HM13: variants seen among roughly 807,000 people sequenced by gnomAD.
HM13 encodes the protein signal peptide peptidase.
In HM13, 18 loss-of-function variants were observed where a neutral mutation model predicts 50.0. That is an observed-to-expected ratio of 0.36 (90% CI 0.25 to 0.53). HM13 has a LOEUF of 0.53. HM13 is among the 20% of genes least tolerant of loss of function. HM13 has a pLI of 0.90. For missense variants in HM13, 393 were observed against 552.4 expected (o/e 0.71, Z 2.89); for synonymous variants, 197 against 232.6 (o/e 0.85, Z 1.39).
intron 4 of HM13, chr20:31,548,191 A>G (rs1401770685): frequency 1.5e-6 from 1 of 682,692 alleles, no homozygotes; most frequent in African/African-American, 1.8e-5. Context: ...TAGAAAACAA[A>G]TCAGGGTGCT....
intron 1 of HM13, among the ~76,000 whole-genome samples, chr20:31,522,024 C>T (rs1447166619): frequency 2.6e-5 from 4 of 151,816 alleles, no homozygotes; most frequent in African/African-American, 7.3e-5. Flanking sequence ...TATAAGTCAC[C>T]CGCAAAGGAG....
intron 1 of HM13, among the ~76,000 whole-genome samples, chr20:31,517,875 G>A (rs755682033): frequency 4.6e-5 from 7 of 151,976 alleles, no homozygotes; most frequent in Non-Finnish European, 1.0e-4. Context: ...AAAGCCTCCT[G>A]GGCACTATTC....
At chr20:31,518,263 G>C (rs1390204766) in intron 1 of HM13, among the ~76,000 whole-genome samples, 4 of 151,176 alleles carry the variant, frequency 2.6e-5, no homozygotes, top group Non-Finnish European at 5.9e-5. Flanking sequence ...TCAAACTCCC[G>C]ACCTCAGGTG....
intron 9 of HM13, among the ~76,000 whole-genome samples, chr20:31,560,889 C>T (rs143366371): frequency 2.0e-5 from 3 of 152,338 alleles, no homozygotes; most frequent in Non-Finnish European, 4.4e-5. Context: ...TCATTCATTC[C>T]ACAAATGTTA....
rs752549441 is a variant in HM13 at position 31,569,214 on chromosome 20, A to C, written c.1276A>C (p.Lys426Gln). ...ATCGAAGGGGCTGGAGAAGAAAGAGAAATGATGCAGCTGGTGCCCGAGCCT... is the reference window on the plus strand; with the variant it reads ...ATCGAAGGGGCTGGAGAAGAAAGAGCAATGATGCAGCTGGTGCCCGAGCCT... ...SASKGLEKKE[K>Q] Residue 426 changes from lysine to glutamine, a missense_variant, in exon 13 of 13, where the codon AAA becomes CAA. By Grantham distance (53) the Lys-to-Gln change is moderately conservative. Coordinates refer to ENST00000398174, the MANE Select transcript of HM13 (RefSeq NM_178581.3). The C allele has an allele frequency of 2.5e-6, 4 of 1,585,450 alleles. No individual in the cohort carries two copies. Among genetic ancestry groups the C allele is most frequent in the Non-Finnish European group, 3.4e-6 (4 of 1,163,944 alleles).
intron 1 of HM13, among the ~76,000 whole-genome samples, chr20:31,515,682 C>T (rs1981730437): frequency 6.6e-6 from 1 of 152,172 alleles, no homozygotes; most frequent in African/African-American, 2.4e-5. Context: ...TATTGGATAA[C>T]TAGGAGGACT....
intron 1 of HM13, among the ~76,000 whole-genome samples, chr20:31,521,728 C>CA (rs58104065): frequency 0.019 from 1,680 of 88,954 alleles, 85 homozygotes; most frequent in African/African-American, 0.049. Flanking sequence ...GACTCCATCT[C>CA]AAAAAAAAAA....
chr20:31,520,365 G>A (rs561267101), intron 1 of HM13, among the ~76,000 whole-genome samples: 1 of 152,190 alleles, frequency 6.6e-6, no homozygotes, highest in South Asian at 2.1e-4. Context: ...GTGCAGTGGT[G>A]TGATCTTGGC....
At chr20:31,545,245 T>G (rs1486418899) in intron 4 of HM13, among the ~76,000 whole-genome samples, 1 of 152,188 alleles carries the variant, frequency 6.6e-6, no homozygotes, top group Non-Finnish European at 1.5e-5. Flanking sequence ...GGTGTTTTTG[T>G]TTTTGTTTTT....
At chr20:31,543,232 G>T (rs1487082605) in intron 3 of HM13, among the ~76,000 whole-genome samples, 1 of 152,204 alleles carries the variant, frequency 6.6e-6, no homozygotes, top group African/African-American at 2.4e-5. Flanking sequence ...CAGCCCTACA[G>T]GCTAGGAGGG....
Position 31,548,987 on chromosome 20 carries a change from G to C in HM13, c.455-42G>C, listed in dbSNP as rs1317105913. ...CAGGGGCTGACAGGTGGGAGGGGTA[G>C]CCCTGCCTCAGGGAGTGGACTTACC... On this transcript the variant is annotated intron_variant, in intron 4 of 12. Transcript: ENST00000398174. 1.8e-5 allele frequency: 28 copies of C among 1,552,508 alleles called. No individual in the cohort carries two copies. In the Middle Eastern group the frequency reaches 5.0e-4, roughly 28 times the overall value.
At chr20:31,525,244 C>T (rs1982416902) in intron 1 of HM13, among the ~76,000 whole-genome samples, 1 of 152,248 alleles carries the variant, frequency 6.6e-6, no homozygotes, top group South Asian at 2.1e-4. Context: ...ACCTCCCTCT[C>T]CTAGTAGTCA....
intron 6 of HM13, 26 bp downstream of exon 6, chr20:31,549,358 T>C: frequency 6.2e-7 from 1 of 1,613,848 alleles, no homozygotes; most frequent in Non-Finnish European, 8.5e-7. Context: ...ATGCCAAGGA[T>C]GTCTGGCTCC....
chr20:31,523,367 A>C (rs1401453156), intron 1 of HM13, among the ~76,000 whole-genome samples: 1 of 150,148 alleles, frequency 6.7e-6, no homozygotes, highest in Non-Finnish European at 1.5e-5. Flanking sequence ...GGTTCAAGCT[A>C]TTCTCCTCCC....
chr20:31,566,234 G>A lies in HM13; in HGVS notation c.973G>A (p.Ala325Thr), dbSNP rs755325319. ...AQPALLYLVP[A>T]CIGFPVLVAL... is the part of the protein sequence containing the mutation. ...GCCTGCCCTCCTATACCTGGTCCCC[G>A]CCTGCATCGGTTTTCCTGTCCTGGT... The change falls in exon 11 of 13, where the codon GCC becomes ACC. Residue 325 changes from alanine (A) to threonine (T), a missense_variant. Transcript: ENST00000398174. The A allele has an allele frequency of 1.9e-5, 30 of 1,613,670 alleles. No individual in the cohort carries two copies. The highest frequency in any genetic ancestry group is 4.0e-5 in the African/African-American group (3 of 74,866).
intron 10 of HM13, among the ~76,000 whole-genome samples, chr20:31,562,914 G>A (rs1481574249): frequency 2.6e-4 from 39 of 152,160 alleles, no homozygotes; most frequent in Admixed American, 2.2e-3. Flanking sequence ...ACCTGGTTTG[G>A]AGGACTAGTT....
intron 3 of HM13, chr20:31,539,102 C>T (rs556764979): frequency 7.2e-4 from 709 of 985,332 alleles, no homozygotes; most frequent in Non-Finnish European, 8.2e-4. Context: ...GCCACATGCT[C>T]GTGTCCTTTC....
intron 8 of HM13, among the ~76,000 whole-genome samples, chr20:31,557,785 G>T (rs1317942007): frequency 3.8e-5 from 5 of 130,086 alleles, no homozygotes; most frequent in Non-Finnish European, 7.6e-5. Context: ...TAAGCTCACT[G>T]CAACCTCCAC....
At chr20:31,524,807 G>A (rs1690879389) in intron 1 of HM13, among the ~76,000 whole-genome samples, 3 of 147,732 alleles carry the variant, frequency 2.0e-5, no homozygotes, top group Non-Finnish European at 4.5e-5. Context: ...TCCGCCTCCC[G>A]GGTTCATGCC....
Sources: gnomAD v4.1 joint callset for allele counts (sites outside exome capture counted in the v4.1 genomes callset) on GRCh38, gnomAD v4.1.1 for gene constraint, MANE v1.5 for transcripts, NCBI Gene and HGNC (gene_info 2026-07-23, HGNC 2026-07-21) for gene names.